Variants in KIRREL3 observed in about 807,000 individuals in gnomAD.
The protein encoded by KIRREL3 is kin of IRRE-like protein 3.
In KIRREL3, 36 loss-of-function variants were observed where a neutral mutation model predicts 89.7. That is an observed-to-expected ratio of 0.40 (90% confidence interval 0.31 to 0.53). KIRREL3 has a LOEUF of 0.53. Ranked by LOEUF, KIRREL3 falls within the 20% of genes least tolerant of loss-of-function variation. The pLI is 0.49. For missense variants in KIRREL3, 864 were observed against 1,056.6 expected (o/e 0.82, Z 2.53); for synonymous variants, 445 against 441.4 (o/e 1.01, Z -0.10).
intron 1 of KIRREL3, among the ~76,000 whole-genome samples, chr11:126,589,667 C>T (rs141440234): frequency 7.9e-5 from 12 of 152,286 alleles, no homozygotes; most frequent in Middle Eastern, 3.4e-3. Flanking sequence ...AAGCACATCT[C>T]GTCGCTCTGG....
At position 126,807,704 on chromosome 11, in the gene KIRREL3, T is replaced by C. The variant is rs1951247386; in HGVS notation, c.55+192751A>G. 6.6e-6 allele frequency among the ~76,000 whole-genome samples: 1 copy of C among 152,164 alleles called. No individual in the cohort carries two copies. The highest frequency in any genetic ancestry group is 2.1e-4 in the South Asian group (1 of 4,828). ...TCACCTGGATTTTGAAAAATCGTCC[T>C]TTAACCCATTTCTAGGAGGCTTCTG... On this transcript the variant is annotated intron_variant, in intron 1 of 16. Coordinates refer to ENST00000525144, the MANE Select transcript of KIRREL3 (RefSeq NM_032531.4). This position sits in a 1 kb window ranked among gnomAD's most constrained non-coding sequence, Gnocchi z 4.3.
At chr11:126,573,683 C>T (rs1482753848) in intron 1 of KIRREL3, among the ~76,000 whole-genome samples, 1 of 152,152 alleles carries the variant, frequency 6.6e-6, no homozygotes, top group Non-Finnish European at 1.5e-5. Context: ...TGTTTATTTT[C>T]ATTTATTTAT....
chr11:126,466,591 C>A (rs1357713547), intron 5 of KIRREL3, among the ~76,000 whole-genome samples: 2 of 152,268 alleles, frequency 1.3e-5, no homozygotes, highest in African/African-American at 4.8e-5. Flanking sequence ...GATCTCGCCT[C>A]TCTTGTTTCT....
intron 1 of KIRREL3, chr11:126,920,130 A>G (rs1403776254): frequency 1.3e-5 from 2 of 152,278 alleles, no homozygotes; most frequent in African/African-American, 4.8e-5. Flanking sequence ...TCAAAGATGA[A>G]GTAATTTTCC....
chr11:126,966,372 C>T (rs1019945764), intron 1 of KIRREL3, among the ~76,000 whole-genome samples: 2 of 152,140 alleles, frequency 1.3e-5, no homozygotes, highest in Non-Finnish European at 2.9e-5. Flanking sequence ...TCCTGGGGAC[C>T]TGAATAAGCA....
At chr11:126,875,347 CA>C (rs1945246421) in intron 1 of KIRREL3, among the ~76,000 whole-genome samples, 1 of 152,160 alleles carries the variant, frequency 6.6e-6, no homozygotes, top group South Asian at 2.1e-4. Flanking sequence ...ATGACACTGT[CA>C]GGGGTGTCAC....
Position 126,485,780 on chromosome 11 carries a change from G to A in KIRREL3, c.434-12314C>T, listed in dbSNP as rs1425531880. Among the ~76,000 whole-genome samples, 1 of 152,230 alleles carries A rather than the reference G, an allele frequency of 6.6e-6. No individual in the cohort carries two copies. ...CTGGACTCCTGAGATGGAATGGTCA[G>A]TACCTTGCCTCAAAGCACCTTTAAA... On this transcript the variant is annotated intron_variant, in intron 4 of 16. Transcript: ENST00000525144. This position sits in a 1 kb window ranked among gnomAD's most constrained non-coding sequence, Gnocchi z 5.8.
rs1416704284 is a variant in KIRREL3 at position 126,571,771 on chromosome 11, G to A, written c.56-8859C>T. ...CGTTTGTGAGAGGGGTGGGGCGGGG[G>A]GATGTTAAATAATGTTGGTTAAAGA... On this transcript the variant is annotated intron_variant, in intron 1 of 16. Transcript: ENST00000525144. This position sits in a 1 kb window ranked among gnomAD's most constrained non-coding sequence, Gnocchi z 7.7. 1.3e-5 allele frequency among the ~76,000 whole-genome samples: 2 copies of A among 152,064 alleles called. No individual in the cohort carries two copies. The highest frequency in any genetic ancestry group is 2.9e-5 in the Non-Finnish European group (2 of 68,010).
Position 126,431,431 on chromosome 11 carries a change from G to A in KIRREL3, c.1684C>T (p.Arg562Cys), listed in dbSNP as rs1291479088. The change falls in exon 14 of 17, where the codon CGT becomes TGT. Residue 562 changes from arginine to cysteine, a missense_variant. Coordinates refer to ENST00000525144, the MANE Select transcript of KIRREL3 (RefSeq NM_032531.4). This position sits in a 1 kb window ranked among gnomAD's most constrained non-coding sequence, Gnocchi z 7.1. ...MATIVAFCCA[R>C]SQRNLKGVVS... The stretch of plus-strand genomic sequence containing the variant: ...CTCCCTCCCGTACTTCTCTGGGAAC[G>A]GGCACAGCAGAACGCCACGATGGTT... 11 of 1,613,902 alleles carry A rather than the reference G, an allele frequency of 6.8e-6. No homozygotes were observed. The highest frequency in any genetic ancestry group is 5.0e-5 in the Admixed American group (3 of 60,006).
chr11:126,521,239 C>CA lies in KIRREL3; in HGVS notation c.433+75dup, dbSNP rs1218011378. 5.6e-6 allele frequency: 8 copies of CA among 1,423,250 alleles called. No individual in the cohort carries two copies. In the African/African-American group the frequency reaches 7.2e-5, roughly 13 times the overall value. The allele number at this position is 1,423,250 out of a possible 1,614,324, so 88.2% of individuals were successfully genotyped here. On this transcript the variant is annotated intron_variant, in intron 4 of 16. Coordinates refer to ENST00000525144, the MANE Select transcript of KIRREL3 (RefSeq NM_032531.4). This position sits in a 1 kb window ranked among gnomAD's most constrained non-coding sequence, Gnocchi z 4.1. ...AGAGGGGAGTCTCCCCATGTCTGACCAAAAAAATACCCTCTTGGAGCTGAG... is the reference window on the plus strand; with the variant it reads ...AGAGGGGAGTCTCCCCATGTCTGACCAAAAAAAATACCCTCTTGGAGCTGAG...
chr11:126,761,715 C>A lies in KIRREL3; in HGVS notation c.56-198803G>T, dbSNP rs1949670498. Among the ~76,000 whole-genome samples, 2 of 151,456 alleles carry A rather than the reference C, an allele frequency of 1.3e-5. No homozygotes were observed. Among genetic ancestry groups the A allele is most frequent in the South Asian group, 4.2e-4 (2 of 4,784 alleles). On this transcript the variant is annotated intron_variant, in intron 1 of 16. Transcript: ENST00000525144. The surrounding 1 kb of genome is among the most constrained non-coding windows in gnomAD (Gnocchi z 4.4). ...TATCACCAGATCTTATGAAGTAGAC[C>A]AGTGGGCCCCACTCAGCCCCTGGGG...
rs1264248840 is a variant in KIRREL3 at position 126,612,400 on chromosome 11, T to G, written c.56-49488A>C. 1.3e-5 allele frequency among the ~76,000 whole-genome samples: 2 copies of G among 152,226 alleles called. No individual in the cohort carries two copies. Among genetic ancestry groups the G allele is most frequent in the Non-Finnish European group, 2.9e-5 (2 of 68,040 alleles). The stretch of plus-strand genomic sequence containing the variant: ...TGTCAATTTGGATTAATTTTCTTGA[T>G]CTCATACTTGTGTTCTCTATGCATC... On this transcript the variant is annotated intron_variant, in intron 1 of 16. Coordinates refer to ENST00000525144, the MANE Select transcript of KIRREL3 (RefSeq NM_032531.4). The surrounding 1 kb of genome is among the most constrained non-coding windows in gnomAD (Gnocchi z 4.5).
rs926321820 is a variant in KIRREL3 at position 126,578,294 on chromosome 11, G to A, written c.56-15382C>T. ...TCTCCCCTCCAGCTTCTCTGCAAAT[G>A]CAAGACTCTGGCTTCATTCCCTGGT... On this transcript the variant is annotated intron_variant, in intron 1 of 16. Transcript: ENST00000525144. The surrounding 1 kb of genome is among the most constrained non-coding windows in gnomAD (Gnocchi z 4.9). Among the ~76,000 whole-genome samples, 4 of 152,120 alleles carry A rather than the reference G, an allele frequency of 2.6e-5. No homozygotes were observed. Among genetic ancestry groups the A allele is most frequent in the South Asian group, 2.1e-4 (1 of 4,828 alleles).
chr11:126,797,985 G>A lies in KIRREL3; in HGVS notation c.55+202470C>T, dbSNP rs1950866126. On this transcript the variant is annotated intron_variant, in intron 1 of 16. Coordinates refer to ENST00000525144, the MANE Select transcript of KIRREL3 (RefSeq NM_032531.4). This position sits in a 1 kb window ranked among gnomAD's most constrained non-coding sequence, Gnocchi z 4.9. ...CTTTTGCTAACTCCTGTGTGCTCCT[G>A]GAGAGGTGGAGGAAGGCTCATATCT... Among the ~76,000 whole-genome samples, 2 of 152,188 alleles carry A rather than the reference G, an allele frequency of 1.3e-5. No individual in the cohort carries two copies. Among genetic ancestry groups the A allele is most frequent in the Admixed American group, 6.5e-5 (1 of 15,278 alleles).
chr11:126,801,778 A>T (rs1386138768), intron 1 of KIRREL3, among the ~76,000 whole-genome samples: 1 of 152,176 alleles, frequency 6.6e-6, no homozygotes, highest in East Asian at 1.9e-4. Flanking sequence ...TATTTGTTTG[A>T]AATACAAAGT....
chr11:126,605,886 G>T lies in KIRREL3; in HGVS notation c.56-42974C>A, dbSNP rs545351685. Among the ~76,000 whole-genome samples, 1 of 152,324 alleles carries T rather than the reference G, an allele frequency of 6.6e-6. No individual in the cohort carries two copies. The highest frequency in any genetic ancestry group is 2.1e-4 in the South Asian group (1 of 4,828). ...TCTGGGATCAAATTAGAGGCACAAA[G>T]GGCAGAAGGGAACCTTGGAGGTTCC... On this transcript the variant is annotated intron_variant, in intron 1 of 16. Coordinates refer to ENST00000525144, the MANE Select transcript of KIRREL3 (RefSeq NM_032531.4). The surrounding 1 kb of genome is among the most constrained non-coding windows in gnomAD (Gnocchi z 5.7).
In KIRREL3 at chr11:126,943,381, C is replaced by T. The variant is rs980087978; in HGVS notation, c.55+57074G>A. On this transcript the variant is annotated intron_variant, in intron 1 of 16. Coordinates refer to ENST00000525144, the MANE Select transcript of KIRREL3 (RefSeq NM_032531.4). The surrounding 1 kb of genome is among the most constrained non-coding windows in gnomAD (Gnocchi z 4.2). ...AATCACAGCATTTCTCTACCCTCCT[C>T]GGAACAATCTGATACCATTATCACT... Among the ~76,000 whole-genome samples, 5 of 152,154 alleles carry T rather than the reference C, an allele frequency of 3.3e-5. No individual in the cohort carries two copies. The highest frequency in any genetic ancestry group is 9.7e-5 in the African/African-American group (4 of 41,434).
At chr11:126,487,631 T>C (rs1488806687) in intron 4 of KIRREL3, among the ~76,000 whole-genome samples, 5 of 152,214 alleles carry the variant, frequency 3.3e-5, no homozygotes, top group African/African-American at 1.2e-4. Flanking sequence ...GCTTCTACAT[T>C]TGAAAAAGGG....
chr11:126,464,754 C>T (rs137911810), intron 5 of KIRREL3, among the ~76,000 whole-genome samples: 2 of 152,220 alleles, frequency 1.3e-5, no homozygotes, highest in Non-Finnish European at 2.9e-5. Flanking sequence ...TCCCCTGGAG[C>T]CTTTGGAGGG....
Sources: allele counts gnomAD v4.1 joint callset (sites outside exome capture counted in the v4.1 genomes callset), GRCh38; gene constraint gnomAD v4.1.1; non-coding constraint Gnocchi (gnomAD v3.1); transcripts MANE v1.5; gene names NCBI Gene and HGNC (gene_info 2026-07-23, HGNC 2026-07-21).